The following DLG2 variants were observed in gnomAD, a reference collection of about 807,000 sequenced individuals.
DLG2 encodes discs large MAGUK scaffold protein 2, also known as disks large homolog 2.
A neutral mutation model predicts 132.5 loss-of-function variants in DLG2; 45 were observed. The observed-to-expected ratio is 0.34, with a 90% CI of 0.27 to 0.44. DLG2 has a LOEUF of 0.44. DLG2 is among the 20% of genes least tolerant of loss of function. The probability of loss-of-function intolerance (pLI) is 1.00; values close to 1 mark genes in which losing one functional copy is unlikely to be tolerated. For synonymous variants in DLG2, 424 were observed against 419.6 expected, an observed-to-expected ratio of 1.01 and a Z score of -0.13; for missense variants, 1,045 against 1,196.9, an observed-to-expected ratio of 0.87 and a Z score of 1.87.
intron 3 of DLG2, among the ~76,000 whole-genome samples, chr11:85,358,452 C>T (rs1400272311): frequency 6.6e-6 from 1 of 152,098 alleles, no homozygotes; most frequent in Admixed American, 6.6e-5. Context: ...CATGTATTTA[C>T]CCATTCAGAC....
chr11:84,252,911 AAC>A (rs1485201635), intron 7 of DLG2, among the ~76,000 whole-genome samples: 1 of 152,216 alleles, frequency 6.6e-6, no homozygotes, highest in African/African-American at 2.4e-5. Context: ...CTCTGGAGTT[AAC>A]AGAGTTAACA....
At chr11:84,860,652 C>G (rs560872124) in intron 6 of DLG2, among the ~76,000 whole-genome samples, 1 of 152,136 alleles carries the variant, frequency 6.6e-6, no homozygotes, top group Admixed American at 6.5e-5. Flanking sequence ...ATAAAGGACA[C>G]CTGTGTTAGT....
chr11:83,543,147 T>C (rs1411772968), intron 19 of DLG2, among the ~76,000 whole-genome samples: 1 of 152,126 alleles, frequency 6.6e-6, no homozygotes, highest in African/African-American at 2.4e-5. Context: ...TCATTAACAC[T>C]GTCTCCCAGA....
Position 85,384,154 on chromosome 11 carries a change from C to A in DLG2, c.41-98789G>T, listed in dbSNP as rs529243675. Reference sequence around the variant, plus strand: ...ATACATATGAAAGTCCAACATGTGCCAGGTACATCAGTTCTAATCCTCACA... The same window carrying A: ...ATACATATGAAAGTCCAACATGTGCAAGGTACATCAGTTCTAATCCTCACA... On this transcript the variant is annotated intron_variant, in intron 3 of 27. Transcript: ENST00000376104. 3.0e-4 allele frequency among the ~76,000 whole-genome samples: 46 copies of A among 152,184 alleles called. 1 individual carries two copies. In the South Asian group the frequency reaches 8.5e-3, roughly 28 times the overall value.
At chr11:85,215,996 A>G (rs901613131) in intron 4 of DLG2, among the ~76,000 whole-genome samples, 2 of 113,784 alleles carry the variant, frequency 1.8e-5, no homozygotes, top group African/African-American at 3.5e-5. Flanking sequence ...ATTAGGATAT[A>G]AAAATAATTT....
chr11:83,722,250 A>G (rs2088787090), intron 18 of DLG2, among the ~76,000 whole-genome samples: 1 of 152,110 alleles, frequency 6.6e-6, no homozygotes, highest in Non-Finnish European at 1.5e-5. Context: ...TTTCATTCTT[A>G]TGGTCTCCCA....
chr11:85,375,084 CT>C (rs1228281048), intron 3 of DLG2, among the ~76,000 whole-genome samples: 1 of 150,050 alleles, frequency 6.7e-6, no homozygotes, highest in Admixed American at 6.6e-5. Context: ...TTTGTTCCTT[CT>C]TTTTTCTTTT....
chr11:85,429,985 T>C (rs1241026939), intron 3 of DLG2, among the ~76,000 whole-genome samples: 3 of 152,102 alleles, frequency 2.0e-5, no homozygotes, highest in Non-Finnish European at 4.4e-5. Context: ...TAGACTGGAT[T>C]AAGAAAATGT....
chr11:85,471,577 A>T (rs1047465071), intron 3 of DLG2, among the ~76,000 whole-genome samples: 1 of 152,224 alleles, frequency 6.6e-6, no homozygotes, highest in Non-Finnish European at 1.5e-5. Context: ...AATAGACTCA[A>T]TGGCTTAAGT....
At chr11:84,157,883 AGAG>A (rs2154257882) in intron 9 of DLG2, among the ~76,000 whole-genome samples, 1 of 152,356 alleles carries the variant, frequency 6.6e-6, no homozygotes, top group African/African-American at 2.4e-5. Flanking sequence ...ATGCTACTGT[AGAG>A]GAGGAGTCGT....
chr11:84,927,537 C>T (rs931368506), intron 6 of DLG2, among the ~76,000 whole-genome samples: 3 of 151,788 alleles, frequency 2.0e-5, no homozygotes, highest in African/African-American at 7.2e-5. Context: ...TGTAAATGGC[C>T]GGATAATAAA....
intron 21 of DLG2, among the ~76,000 whole-genome samples, chr11:83,503,039 C>A (rs191852137): frequency 6.6e-6 from 1 of 151,952 alleles, no homozygotes; most frequent in East Asian, 1.9e-4. Flanking sequence ...ACTGGGGCTA[C>A]AATAAGCTCT....
intron 7 of DLG2, among the ~76,000 whole-genome samples, chr11:84,436,301 C>A (rs1317779971): frequency 6.6e-6 from 1 of 152,082 alleles, no homozygotes; most frequent in Non-Finnish European, 1.5e-5. Context: ...TCTTCTAAAG[C>A]TAAAAAAATT....
intron 7 of DLG2, among the ~76,000 whole-genome samples, chr11:84,379,169 A>G (rs2098740784): frequency 6.6e-6 from 1 of 152,190 alleles, no homozygotes; most frequent in Non-Finnish European, 1.5e-5. Context: ...AATTTTCAAG[A>G]AAGTGAATCA....
chr11:83,462,602 G>A (rs1213316220), intron 26 of DLG2, among the ~76,000 whole-genome samples: 5 of 152,110 alleles, frequency 3.3e-5, no homozygotes. Flanking sequence ...AGACTGGGAA[G>A]GGAAGGCAGG....
At chr11:84,505,899 C>T (rs1172120946) in intron 7 of DLG2, among the ~76,000 whole-genome samples, 3 of 151,768 alleles carry the variant, frequency 2.0e-5, no homozygotes, top group Admixed American at 6.6e-5. Flanking sequence ...TGTAGTAGGC[C>T]GAAGAAAGTT....
At chr11:83,879,359 A>G (rs2065569005) in intron 15 of DLG2, among the ~76,000 whole-genome samples, 1 of 152,290 alleles carries the variant, frequency 6.6e-6, no homozygotes, top group East Asian at 1.9e-4. Flanking sequence ...TCATTAACAT[A>G]TCTTCTTATG....
intron 7 of DLG2, chr11:84,316,697 T>A: frequency 9.6e-7 from 1 of 1,046,826 alleles, no homozygotes; most frequent in Non-Finnish European, 1.3e-6. Flanking sequence ...CAGGTTTTTC[T>A]TGGCCTAATA....
chr11:84,708,624 G>A (rs982413878), intron 6 of DLG2, among the ~76,000 whole-genome samples: 2 of 151,736 alleles, frequency 1.3e-5, no homozygotes, highest in African/African-American at 4.8e-5. Flanking sequence ...GCCAAAACAG[G>A]CATCCGGTTT....
Sources: gnomAD v4.1 joint callset for allele counts (sites outside exome capture counted in the v4.1 genomes callset) on GRCh38, gnomAD v4.1.1 for gene constraint, MANE v1.5 for transcripts, NCBI Gene and HGNC (gene_info 2026-07-23, HGNC 2026-07-21) for gene names.